SGSM1: variants seen among roughly 807,000 people sequenced by gnomAD.
The protein encoded by SGSM1 is RUN and TBC1 domain containing 2.
In SGSM1, 73 loss-of-function variants were observed where a neutral mutation model predicts 133.8. The observed-to-expected ratio is 0.55, with a 90% CI of 0.45 to 0.66. The LOEUF (loss-of-function observed/expected upper bound fraction) is 0.66. Ranked by LOEUF, SGSM1 falls within the 30% of genes least tolerant of loss-of-function variation. SGSM1 has a pLI of 0.00. For missense variants in SGSM1, 1,213 were observed against 1,448.1 expected (o/e 0.84, Z 2.64); for synonymous variants, 563 against 573.0 (o/e 0.98, Z 0.25).
chr22:24,809,581 T>C (rs988907822), intron 2 of SGSM1, among the ~76,000 whole-genome samples: 4 of 152,156 alleles, frequency 2.6e-5, no homozygotes, highest in African/African-American at 9.7e-5. Flanking sequence ...ACAGCACCCA[T>C]GAGGCAGGTC....
intron 24 of SGSM1, 82 bp from the exon 25 acceptor site, chr22:24,924,104 G>A: frequency 3.1e-6 from 4 of 1,298,594 alleles, no homozygotes; most frequent in Non-Finnish European, 4.4e-6. Flanking sequence ...GATGCCCCCA[G>A]AGAAGCCTCC....
intron 19 of SGSM1, among the ~76,000 whole-genome samples, chr22:24,900,383 C>T (rs1160950958): frequency 2.8e-5 from 2 of 71,884 alleles, no homozygotes; most frequent in Non-Finnish European, 6.1e-5. Context: ...TTCTTTCTTT[C>T]TTTCTTTCTT....
At chr22:24,840,620 G>T (rs941612533) in intron 2 of SGSM1, among the ~76,000 whole-genome samples, 1 of 152,154 alleles carries the variant, frequency 6.6e-6, no homozygotes, top group Admixed American at 6.5e-5. Flanking sequence ...TGGGATTACA[G>T]GTGTGAGCCA....
chr22:24,868,779 A>G lies in SGSM1; in HGVS notation c.1215A>G (p.Thr405=), dbSNP rs771247771. 3.7e-6 allele frequency: 6 copies of G among 1,613,930 alleles called. No homozygotes were observed. The highest frequency in any genetic ancestry group is 1.3e-5 in the African/African-American group (1 of 74,942). The change falls in exon 12 of 25, where the codon ACA becomes ACG. Residue 405 remains threonine (T), a synonymous_variant. Coordinates refer to ENST00000400358, the MANE Select transcript of SGSM1 (RefSeq NM_001098497.3). ...GCCCTCAGGGTTCTGCCGAGTCCACATCTTCAGACAAAGATGATGATGAGG... is the reference window on the plus strand; with the variant it reads ...GCCCTCAGGGTTCTGCCGAGTCCACGTCTTCAGACAAAGATGATGATGAGG... ...KRSPQGSAES[T]SSDKDDDEAT... is the part of the protein sequence containing the mutation.
rs769965112 is a variant in SGSM1, at chr22:24,847,746, T to G, written c.252T>G (p.Ala84=). The change falls in exon 4 of 25, where the codon GCT becomes GCG. Residue 84 remains alanine, a synonymous_variant. Coordinates refer to ENST00000400358, the MANE Select transcript of SGSM1 (RefSeq NM_001098497.3). The part of the protein sequence containing the change: ...FMKVGKNFPP[A]EDLSRKVQDL... Reference sequence around the variant, plus strand: ...AAGTGGGCAAGAACTTCCCGCCGGCTGAGGATCTGAGCCGCAAGGTGCAAG... The same window carrying G: ...AAGTGGGCAAGAACTTCCCGCCGGCGGAGGATCTGAGCCGCAAGGTGCAAG... 1.9e-6 allele frequency: 3 copies of G among 1,613,886 alleles called. No individual in the cohort carries two copies. The highest frequency in any genetic ancestry group is 2.2e-5 in the South Asian group (2 of 91,038).
At chr22:24,827,531 G>A (rs1160260307) in intron 2 of SGSM1, among the ~76,000 whole-genome samples, 1 of 152,062 alleles carries the variant, frequency 6.6e-6, no homozygotes, top group Non-Finnish European at 1.5e-5. Flanking sequence ...TAGCCAGCAG[G>A]TGGGAAGCCC....
chr22:24,855,451 G>A (rs1270153657), intron 7 of SGSM1, 21 bp downstream of exon 7: 2 of 1,613,346 alleles, frequency 1.2e-6, no homozygotes, highest in African/African-American at 1.3e-5. Context: ...TGGACAGTGG[G>A]GCAGTGGGAG....
rs117435928 is a variant in SGSM1 at position 24,864,620 on chromosome 22, A to G, written c.927-2473A>G. 3.0e-4 allele frequency among the ~76,000 whole-genome samples: 46 copies of G among 152,340 alleles called. No homozygotes were observed. The East Asian group carries it at 8.5e-3, about 28-fold the overall frequency. On this transcript the variant is annotated intron_variant, in intron 9 of 24. Transcript: ENST00000400358. Reference sequence around the variant, plus strand: ...TCCATTTAGATGAAATGTCCAGAAAAAGGCACATCTGTGGAGTCAGAAAGC... The same window carrying G: ...TCCATTTAGATGAAATGTCCAGAAAGAGGCACATCTGTGGAGTCAGAAAGC...
chr22:24,857,211 G>C (rs1930846929), intron 8 of SGSM1, among the ~76,000 whole-genome samples: 1 of 150,494 alleles, frequency 6.6e-6, no homozygotes, highest in Non-Finnish European at 1.5e-5. Flanking sequence ...AGACCAGCCT[G>C]GCCAATATGG....
chr22:24,874,272 T>C, intron 12 of SGSM1: 2 of 819,006 alleles, frequency 2.4e-6, no homozygotes, highest in Non-Finnish European at 3.8e-6. Context: ...TTTCTTCTAA[T>C]TGAACACAGT....
chr22:24,874,576 C>T (rs770437782), intron 12 of SGSM1: 3 of 1,595,844 alleles, frequency 1.9e-6, no homozygotes, highest in Non-Finnish European at 2.6e-6. Flanking sequence ...GGAGCAGCCC[C>T]CCAGTAATGT....
chr22:24,923,745 C>T (rs929107496), intron 24 of SGSM1, among the ~76,000 whole-genome samples: 3 of 152,306 alleles, frequency 2.0e-5, no homozygotes, highest in African/African-American at 7.2e-5. Flanking sequence ...GCCTCAGCCT[C>T]CTGAGTAGCT....
chr22:24,878,030 C>T (rs1295401110), intron 13 of SGSM1, among the ~76,000 whole-genome samples: 1 of 151,818 alleles, frequency 6.6e-6, no homozygotes, highest in African/African-American at 2.4e-5. Flanking sequence ...AGTCTGCTCT[C>T]GAACCCCTGA....
At chr22:24,834,758 CTTT>C (rs139641) in intron 2 of SGSM1, among the ~76,000 whole-genome samples, 35,758 of 146,030 alleles carry the variant, frequency 0.24, 4,336 homozygotes, top group African/African-American at 0.31. Flanking sequence ...TCTAAATTTC[CTTT>C]TTTTTTTTTT....
At chr22:24,900,408 T>TTTCTTTCTTTC (rs1569171053) in intron 19 of SGSM1, among the ~76,000 whole-genome samples, 1 of 75,092 alleles carries the variant, frequency 1.3e-5, no homozygotes, top group African/African-American at 4.2e-5. Flanking sequence ...TCTTTCTTTC[T>TTTCTTTCTTTC]GTATTTTTGA....
At chr22:24,807,018 C>CA (rs1927439717) in intron 2 of SGSM1, among the ~76,000 whole-genome samples, 1 of 152,096 alleles carries the variant, frequency 6.6e-6, no homozygotes, top group Non-Finnish European at 1.5e-5. Context: ...AGTCACGGGT[C>CA]AGTGAGCTGC....
Position 24,868,854 on chromosome 22 carries a change from C to T in SGSM1, c.1290C>T (p.Phe430=), listed in dbSNP as rs754998311. ...RIIYPGMQSE[F]VPQDLMDVSV... Reference sequence around the variant, plus strand: ...TCTACCCTGGCATGCAGTCGGAATTCGGTGAGCTGCCCTGTCCCGGGCCCC... The same window carrying T: ...TCTACCCTGGCATGCAGTCGGAATTTGGTGAGCTGCCCTGTCCCGGGCCCC... Residue 430 remains phenylalanine (F), a splice_region_variant and synonymous_variant, in exon 12 of 25, where the codon TTC becomes TTT. Coordinates refer to ENST00000400358, the MANE Select transcript of SGSM1 (RefSeq NM_001098497.3). 4.3e-6 allele frequency: 7 copies of T among 1,613,644 alleles called. No individual in the cohort carries two copies. The South Asian group carries it at 4.4e-5, about 10-fold the overall frequency.
intron 21 of SGSM1, among the ~76,000 whole-genome samples, chr22:24,908,409 T>C (rs1351435022): frequency 1.3e-5 from 2 of 152,004 alleles, no homozygotes; most frequent in African/African-American, 4.8e-5. Flanking sequence ...ATCAAGAAAG[T>C]GGAAAGAACC....
intron 15 of SGSM1, among the ~76,000 whole-genome samples, chr22:24,885,020 G>T (rs1932521742): frequency 6.6e-6 from 1 of 152,028 alleles, no homozygotes; most frequent in Non-Finnish European, 1.5e-5. Context: ...CATGATCTAG[G>T]CTCACTGCAA....
Sources: allele counts gnomAD v4.1 joint callset (sites outside exome capture counted in the v4.1 genomes callset), GRCh38; gene constraint gnomAD v4.1.1; transcripts MANE v1.5; gene names NCBI Gene and HGNC (gene_info 2026-07-23, HGNC 2026-07-21).